PYGB: variants seen among roughly 807,000 people sequenced by gnomAD.
The protein encoded by PYGB is glycogen phosphorylase, brain form.
Under a neutral mutation model 94.3 loss-of-function variants are expected in PYGB, and 82 were observed. The ratio of observed to expected loss-of-function variants is 0.87; its 90% confidence interval spans 0.73 to 1.04. PYGB has a LOEUF of 1.04. Ranked by LOEUF, PYGB falls within the 50% of genes least tolerant of loss-of-function variation. The probability of loss-of-function intolerance (pLI) is 0.00; values close to 1 mark genes in which losing one functional copy is unlikely to be tolerated. For missense variants in PYGB, 1,132 were observed against 1,158.2 expected, an observed-to-expected ratio of 0.98 and a Z score of 0.33; for synonymous variants, 488 against 479.1, an observed-to-expected ratio of 1.02 and a Z score of -0.24.
intron 7 of PYGB, 80 bp from the exon 8 acceptor site, chr20:25,278,239 G>A: frequency 6.6e-7 from 1 of 1,510,798 alleles, no homozygotes. Context: ...CTGCACCTTT[G>A]AGCCAGGTCG....
At chr20:25,264,537 GC>G (rs770184875) in intron 2 of PYGB, among the ~76,000 whole-genome samples, 4 of 152,228 alleles carry the variant, frequency 2.6e-5, no homozygotes, top group Non-Finnish European at 5.9e-5. Context: ...CATCATCTCA[GC>G]CCCAAATCTC....
At chr20:25,265,419 T>C (rs2088207817) in intron 2 of PYGB, among the ~76,000 whole-genome samples, 1 of 152,226 alleles carries the variant, frequency 6.6e-6, no homozygotes, top group Admixed American at 6.5e-5. Flanking sequence ...CAGTAGTCAT[T>C]CTAAATGGGT....
In PYGB at chr20:25,278,108, C is replaced by T. The variant is rs562140148; in HGVS notation, c.856-211C>T. On this transcript the variant is annotated intron_variant, in intron 7 of 19. Coordinates refer to ENST00000216962, the MANE Select transcript of PYGB (RefSeq NM_002862.4). ...AGCAGCGCTGGCACTGTACTTCTGA[C>T]GGATGGACACTGTGTCCCGGGGTGT... is the stretch of plus-strand genomic sequence containing the variant. Among the ~76,000 whole-genome samples the T allele has an allele frequency of 7.1e-4, 102 of 143,640 alleles. 1 individual carries two copies. In the South Asian group the frequency reaches 8.7e-3, roughly 12 times the overall value. 94.2% of individuals were successfully genotyped at this position (143,640 alleles called of 152,430 possible). A position where few individuals can be genotyped will look rare whatever the true frequency, so the allele number is the denominator to read the frequency against.
At chr20:25,250,738 A>G (rs2092885333) in intron 1 of PYGB, among the ~76,000 whole-genome samples, 1 of 152,178 alleles carries the variant, frequency 6.6e-6, no homozygotes, top group Non-Finnish European at 1.5e-5. Flanking sequence ...CACACTGCAG[A>G]CTGTGGTAAT....
chr20:25,279,004 G>T, intron 8 of PYGB, 53 bp from the exon 9 acceptor site: 1 of 1,543,140 alleles, frequency 6.5e-7, no homozygotes, highest in Non-Finnish European at 8.9e-7. Context: ...CAACAACCGT[G>T]GGTGCCCACG....
At position 25,297,567 on chromosome 20, in the gene PYGB, A is replaced by T. The variant is rs2088568080; in HGVS notation, c.*1045A>T. ...AGGAACCCATTTGTGCTCTGCTTGG[A>T]CAGCAGGCCTGGCACTGGGAGGTGG... On this transcript the variant is annotated 3_prime_UTR_variant, in exon 20 of 20. Transcript: ENST00000216962. The T allele has an allele frequency of 6.6e-6, 1 of 152,256 alleles. No individual in the cohort carries two copies. Among genetic ancestry groups the T allele is most frequent in the African/African-American group, 2.4e-5 (1 of 41,450 alleles). 9.4% of individuals were successfully genotyped at this position (152,256 alleles called of 1,614,324 possible).
chr20:25,266,617 T>C (rs6050502), intron 2 of PYGB, among the ~76,000 whole-genome samples: 9,879 of 152,232 alleles, frequency 0.065, 988 homozygotes, highest in African/African-American at 0.22. Flanking sequence ...AAAATATTTA[T>C]AAATCCTAAA....
chr20:25,268,832 A>G (rs535843475), intron 2 of PYGB, among the ~76,000 whole-genome samples: 1 of 152,378 alleles, frequency 6.6e-6, no homozygotes, highest in South Asian at 2.1e-4. Context: ...TCACGTAAAT[A>G]TCGCCCATGT....
chr20:25,271,351 G>C, intron 3 of PYGB, 32 bp from the exon 4 acceptor site: 1 of 1,606,544 alleles, frequency 6.2e-7, no homozygotes, highest in Non-Finnish European at 8.5e-7. Flanking sequence ...CCGTGCCTTT[G>C]ATTCTGACTG....
chr20:25,296,629 G>A lies in PYGB; in HGVS notation c.*107G>A, dbSNP rs570364649. The A allele has an allele frequency of 2.1e-6, 3 of 1,410,022 alleles. No individual in the cohort carries two copies. Among genetic ancestry groups the A allele is most frequent in the East Asian group, 2.4e-5 (1 of 41,952 alleles). 87.3% of individuals were successfully genotyped at this position (1,410,022 alleles called of 1,614,324 possible). Reference sequence around the variant, plus strand: ...AGCCACTGGTGGTCCCTGCTTTTCTGAGTACCATGTTTCCAGGAGGGGCCA... The same window carrying A: ...AGCCACTGGTGGTCCCTGCTTTTCTAAGTACCATGTTTCCAGGAGGGGCCA... On this transcript the variant is annotated 3_prime_UTR_variant, in exon 20 of 20. Transcript: ENST00000216962.
At chr20:25,290,798 G>A (rs764484866) in intron 16 of PYGB, among the ~76,000 whole-genome samples, 176 bp downstream of exon 16, 14 of 152,176 alleles carry the variant, frequency 9.2e-5, no homozygotes, top group Non-Finnish European at 1.6e-4. Context: ...CGTGCAGTGC[G>A]GAGGACTCAC....
chr20:25,280,711 A>G (rs2088358517), intron 10 of PYGB, among the ~76,000 whole-genome samples: 2 of 151,970 alleles, frequency 1.3e-5, no homozygotes, highest in South Asian at 4.2e-4. Flanking sequence ...TGGGCTGGGG[A>G]GTTGGGTGAG....
At chr20:25,254,825 G>C (rs574982004) in intron 1 of PYGB, among the ~76,000 whole-genome samples, 1 of 152,312 alleles carries the variant, frequency 6.6e-6, no homozygotes, top group East Asian at 1.9e-4. Flanking sequence ...TTGCATAGAA[G>C]GCGGGAGACA....
chr20:25,255,787 G>A (rs1401527781), intron 1 of PYGB, among the ~76,000 whole-genome samples: 4 of 151,474 alleles, frequency 2.6e-5, no homozygotes, highest in African/African-American at 4.9e-5. Flanking sequence ...AGGCTGGAGT[G>A]CAGTGGCGCG....
chr20:25,257,090 G>T (rs2092904191), intron 1 of PYGB, among the ~76,000 whole-genome samples: 1 of 152,176 alleles, frequency 6.6e-6, no homozygotes. Context: ...ATTCAAGTCT[G>T]CATTTTCTTG....
At chr20:25,266,465 C>A (rs570650291) in intron 2 of PYGB, among the ~76,000 whole-genome samples, 1 of 152,036 alleles carries the variant, frequency 6.6e-6, no homozygotes, top group African/African-American at 2.4e-5. Context: ...ATATAGGGAT[C>A]AATCTTCATG....
rs1394379723 is a variant in PYGB, at chr20:25,276,638, G to A, written c.661-8G>A. The A allele has an allele frequency of 6.2e-7, 1 of 1,610,878 alleles. No homozygotes were observed. The highest frequency in any genetic ancestry group is 8.5e-7 in the Non-Finnish European group (1 of 1,177,510). ...CACTCCGTCCTGAGCAACCCGTTTT[G>A]TGGCCAGGTGGTGCTGGCCATGCCC... On this transcript the variant is annotated splice_polypyrimidine_tract_variant and splice_region_variant and intron_variant, in intron 5 of 19. Transcript: ENST00000216962.
At position 25,297,821 on chromosome 20, in the gene PYGB, T is replaced by A. The variant is rs1453075362; in HGVS notation, c.*1299T>A. ...ACAGCCCACCAGAGCACTACAGCCT[T>A]TTATTGAGTGGGGCAAGTGCTGGGC... On this transcript the variant is annotated 3_prime_UTR_variant, in exon 20 of 20. Coordinates refer to ENST00000216962, the MANE Select transcript of PYGB (RefSeq NM_002862.4). The A allele has an allele frequency of 7.8e-6, 1 of 128,736 alleles. No homozygotes were observed. Among genetic ancestry groups the A allele is most frequent in the South Asian group, 2.6e-4 (1 of 3,884 alleles). 8.0% of individuals were successfully genotyped at this position (128,736 alleles called of 1,614,324 possible).
chr20:25,279,969 C>T (rs931409722), intron 9 of PYGB, among the ~76,000 whole-genome samples: 6 of 152,226 alleles, frequency 3.9e-5, no homozygotes, highest in Non-Finnish European at 5.9e-5. Flanking sequence ...TTACCAGTGA[C>T]GGCAGAGTGT....
Sources: allele counts gnomAD v4.1 joint callset (sites outside exome capture counted in the v4.1 genomes callset), GRCh38; gene constraint gnomAD v4.1.1; transcripts MANE v1.5; gene names NCBI Gene and HGNC (gene_info 2026-07-23, HGNC 2026-07-21).